PTP4A3: variants seen among roughly 807,000 people sequenced by gnomAD.
PTP4A3 encodes protein tyrosine phosphatase 4A3.
A neutral mutation model predicts 15.2 loss-of-function variants in PTP4A3; 9 were observed. The observed-to-expected ratio is 0.59, with a 90% CI of 0.36 to 1.03. The LOEUF (loss-of-function observed/expected upper bound fraction) is 1.03, where lower values mean the gene tolerates loss of function less well. Among genes scored for constraint, PTP4A3 ranks in the 50% least tolerant of loss-of-function variants. The pLI, the probability that PTP4A3 is intolerant of heterozygous loss-of-function variation, is 0.02. For synonymous variants in PTP4A3, 95 were observed against 102.0 expected (o/e 0.93, Z 0.41); for missense variants, 234 against 252.1 (o/e 0.93, Z 0.49).
intron 1 of PTP4A3, among the ~76,000 whole-genome samples, chr8:141,394,154 G>A (rs1832377021): frequency 1.3e-5 from 2 of 152,184 alleles, no homozygotes; most frequent in Admixed American, 6.5e-5. Context: ...TCCAGATGGC[G>A]GTGATACAGC....
At chr8:141,407,074 T>C (rs896444834) in intron 1 of PTP4A3, among the ~76,000 whole-genome samples, 26 of 152,138 alleles carry the variant, frequency 1.7e-4, no homozygotes, top group African/African-American at 6.3e-4. Flanking sequence ...CCCTGGCCAC[T>C]GGGACCTCTC....
At chr8:141,397,483 A>G (rs1330847484) in intron 1 of PTP4A3, among the ~76,000 whole-genome samples, 1 of 152,272 alleles carries the variant, frequency 6.6e-6, no homozygotes, top group Non-Finnish European at 1.5e-5. Flanking sequence ...CCACAAGTAC[A>G]GAACAATGAC....
intron 4 of PTP4A3, among the ~76,000 whole-genome samples, chr8:141,427,503 C>T (rs1833632212): frequency 6.6e-6 from 1 of 152,202 alleles, no homozygotes. Flanking sequence ...CGGCTCTTAG[C>T]ACTTCACCCG....
chr8:141,395,973 C>A (rs1832441257), intron 1 of PTP4A3, among the ~76,000 whole-genome samples: 1 of 152,218 alleles, frequency 6.6e-6, no homozygotes, highest in South Asian at 2.1e-4. Flanking sequence ...ACAGATGGGG[C>A]TGCCTCCCCT....
chr8:141,408,671 C>G (rs1029737767), intron 1 of PTP4A3, among the ~76,000 whole-genome samples: 2 of 151,836 alleles, frequency 1.3e-5, no homozygotes, highest in African/African-American at 4.8e-5. Context: ...AATTTTATCT[C>G]AAAAAATAAA....
chr8:141,425,289 TC>T lies in PTP4A3; in HGVS notation c.198+150del. 1 of 792,222 alleles carries T rather than the reference TC, an allele frequency of 1.3e-6. No individual in the cohort carries two copies. The highest frequency in any genetic ancestry group is 2.0e-6 in the Non-Finnish European group (1 of 492,316). The allele number at this position is 792,222 out of a possible 1,614,324, so 49.1% of individuals were successfully genotyped here. On this transcript the variant is annotated intron_variant, in intron 3 of 5. Transcript: ENST00000521578. The surrounding 1 kb of genome is among the most constrained non-coding windows in gnomAD (Gnocchi z 4.2). ...TGGGCCACGTGTGTGTCTGGGTACATCAAGGGAAGGCCAGGGTGTTGGGCCG... is the reference window on the plus strand; with the variant it reads ...TGGGCCACGTGTGTGTCTGGGTACATAAGGGAAGGCCAGGGTGTTGGGCCG...
chr8:141,430,600 G>A (rs896258189), intron 5 of PTP4A3, among the ~76,000 whole-genome samples: 1 of 152,208 alleles, frequency 6.6e-6, no homozygotes, highest in Non-Finnish European at 1.5e-5. Flanking sequence ...GAGGTGCCCA[G>A]GCACCACCCT....
chr8:141,404,541 CTT>C (rs1832679670), intron 1 of PTP4A3, among the ~76,000 whole-genome samples: 1 of 152,268 alleles, frequency 6.6e-6, no homozygotes, highest in African/African-American at 2.4e-5. Context: ...CGTGAGCTCT[CTT>C]GCACCCACAG....
intron 1 of PTP4A3, among the ~76,000 whole-genome samples, chr8:141,414,336 C>T (rs1248222161): frequency 6.6e-6 from 1 of 151,882 alleles, no homozygotes; most frequent in South Asian, 2.1e-4. Flanking sequence ...CAAAAGGGGC[C>T]GAGTGTGGCC....
At chr8:141,426,586 G>T in intron 3 of PTP4A3, 1 of 985,472 alleles carries the variant, frequency 1.0e-6, no homozygotes, top group Non-Finnish European at 1.2e-6. Context: ...CGGCACACAG[G>T]CGTGAGGGAT....
chr8:141,417,479 G>A (rs28450112), intron 1 of PTP4A3, among the ~76,000 whole-genome samples: 13 of 152,166 alleles, frequency 8.5e-5, no homozygotes, highest in Middle Eastern at 3.4e-3. Context: ...GCACCTGCAC[G>A]GCGGGGCCGC....
At chr8:141,427,875 TC>T in intron 5 of PTP4A3, 51 bp downstream of exon 5, 1 of 1,481,396 alleles carries the variant, frequency 6.8e-7, no homozygotes, top group East Asian at 2.5e-5. Flanking sequence ...GGAGGGGAGA[TC>T]CGGCTGCCCA....
At chr8:141,417,229 C>G (rs1208956915) in intron 1 of PTP4A3, among the ~76,000 whole-genome samples, 1 of 152,186 alleles carries the variant, frequency 6.6e-6, no homozygotes, top group African/African-American at 2.4e-5. Flanking sequence ...ATCCTGCCTG[C>G]CGGTGTTACC....
intron 1 of PTP4A3, among the ~76,000 whole-genome samples, chr8:141,398,920 G>T (rs1832516168): frequency 6.6e-6 from 1 of 152,084 alleles, no homozygotes. Context: ...CTCGAAGCCA[G>T]GCCTGGCCCA....
At chr8:141,408,810 G>T (rs1216297435) in intron 1 of PTP4A3, among the ~76,000 whole-genome samples, 1 of 152,206 alleles carries the variant, frequency 6.6e-6, no homozygotes, top group African/African-American at 2.4e-5. Flanking sequence ...AGCTGCTGGG[G>T]AACAGAGGGA....
chr8:141,393,857 G>A (rs1471591904), intron 1 of PTP4A3, among the ~76,000 whole-genome samples: 2 of 152,222 alleles, frequency 1.3e-5, no homozygotes, highest in African/African-American at 2.4e-5. Context: ...TTTGGATGGC[G>A]AGGAGGTCTT....
intron 1 of PTP4A3, among the ~76,000 whole-genome samples, chr8:141,414,669 A>G (rs1832969664): frequency 1.4e-5 from 2 of 145,134 alleles, no homozygotes; most frequent in African/African-American, 5.4e-5. Context: ...GCACAGGTGG[A>G]TCGGGTGCCT....
At chr8:141,422,447 GC>G in intron 2 of PTP4A3, 102 bp downstream of exon 2, 2 of 1,242,080 alleles carry the variant, frequency 1.6e-6, no homozygotes, top group Non-Finnish European at 2.3e-6. Flanking sequence ...GCCCCGGCTG[GC>G]CAGACAGGGC....
chr8:141,412,687 C>G (rs73370146), intron 1 of PTP4A3, among the ~76,000 whole-genome samples: 4 of 152,266 alleles, frequency 2.6e-5, no homozygotes, highest in African/African-American at 9.6e-5. Context: ...TTGAGCCCTC[C>G]CACAGCGAGC....
Sources: gnomAD v4.1 joint callset for allele counts (sites outside exome capture counted in the v4.1 genomes callset) on GRCh38, gnomAD v4.1.1 for gene constraint, Gnocchi (gnomAD v3.1) non-coding constraint, MANE v1.5 for transcripts, NCBI Gene and HGNC (gene_info 2026-07-23, HGNC 2026-07-21) for gene names.